LOXL3: variants seen among roughly 807,000 people sequenced by gnomAD.
LOXL3 encodes the protein lysyl oxidase homolog 3.
In LOXL3, 60 loss-of-function variants were observed where a neutral mutation model predicts 91.8. That is an observed-to-expected ratio of 0.65 (90% CI 0.53 to 0.81). The LOEUF (loss-of-function observed/expected upper bound fraction) is 0.81, where lower values mean the gene tolerates loss of function less well. LOXL3 is among the 30% of genes least tolerant of loss of function. The pLI, the probability that LOXL3 is intolerant of heterozygous loss-of-function variation, is 0.00. For missense variants in LOXL3, 874 were observed against 1,000.4 expected (o/e 0.87, Z 1.70); for synonymous variants, 355 against 387.6 (o/e 0.92, Z 0.99).
chr2:74,549,137 A>G lies in LOXL3; in HGVS notation c.692+232T>C. ...CCGCCTGCCCGCCCAGGCGTCGGCCACGAGAGAGCGGGAGCCTCGCTGGTC... is the reference window on the plus strand; with the variant it reads ...CCGCCTGCCCGCCCAGGCGTCGGCCGCGAGAGAGCGGGAGCCTCGCTGGTC... On this transcript the variant is annotated intron_variant, in intron 4 of 13. Transcript: ENST00000264094. The surrounding 1 kb of genome is among the most constrained non-coding windows in gnomAD (Gnocchi z 5.3). 2.5e-6 allele frequency: 1 copy of G among 406,904 alleles called. No homozygotes were observed. The allele number at this position is 406,904 out of a possible 1,614,324, so 25.2% of individuals were successfully genotyped here.
intron 2 of LOXL3, among the ~76,000 whole-genome samples, chr2:74,550,882 G>T (rs780212106): frequency 6.6e-6 from 1 of 151,642 alleles, no homozygotes; most frequent in Admixed American, 6.6e-5. Flanking sequence ...TCTTGTGCCC[G>T]CCCTGTCTGT....
chr2:74,555,569 C>T, upstream of LOXL3: 1 of 1,611,276 alleles, frequency 6.2e-7, no homozygotes, highest in African/African-American at 1.4e-5. This position sits in a 1 kb window ranked among gnomAD's most constrained non-coding sequence, Gnocchi z 6.1. Context: ...ATGCTCTCTA[C>T]TACAGAAAGG....
chr2:74,553,763 T>G (rs918455763), intron 1 of LOXL3, 113 bp downstream of exon 1: 2 of 152,438 alleles, frequency 1.3e-5, no homozygotes, highest in Admixed American at 6.5e-5. Context: ...AATCAAACTC[T>G]CAGTTGGGTG....
chr2:74,542,691 T>C (rs553408295), intron 4 of LOXL3, among the ~76,000 whole-genome samples: 2 of 151,378 alleles, frequency 1.3e-5, no homozygotes, highest in South Asian at 4.2e-4. Flanking sequence ...AGTGGTGCAA[T>C]CTTGGCTCAC....
At chr2:74,548,327 G>T (rs565839514) in intron 4 of LOXL3, among the ~76,000 whole-genome samples, 1 of 152,294 alleles carries the variant, frequency 6.6e-6, no homozygotes, top group South Asian at 2.1e-4. Flanking sequence ...GGTTGGAAAA[G>T]GCTGCTCTAT....
At chr2:74,554,966 A>T, upstream of LOXL3, 1 of 1,437,828 alleles carries the variant, frequency 7.0e-7, no homozygotes, top group Admixed American at 2.0e-5. This position sits in a 1 kb window ranked among gnomAD's most constrained non-coding sequence, Gnocchi z 4.9. Flanking sequence ...CACTCCCGGG[A>T]AGCGTCTGTA....
At position 74,549,391 on chromosome 2, in the gene LOXL3, T is replaced by G; in HGVS notation, c.670A>C (p.Arg224=). The G allele has an allele frequency of 3.1e-6, 5 of 1,609,554 alleles. No individual in the cohort carries two copies. Among genetic ancestry groups the G allele is most frequent in the Non-Finnish European group, 4.2e-6 (5 of 1,177,714 alleles). The part of the protein sequence containing the change: ...CGMLGFPSEK[R]VNAAFYRLLA... The stretch of plus-strand genomic sequence containing the variant: ...CACCTGTAGAAGGCCGCGTTGACCC[T>G]CTTTTCGCTGGGGAAGCCCAGCATC... Residue 224 remains arginine (R), a synonymous_variant, in exon 4 of 14, where the codon AGG becomes CGG. Transcript: ENST00000264094. This position sits in a 1 kb window ranked among gnomAD's most constrained non-coding sequence, Gnocchi z 5.3.
Position 74,536,066 on chromosome 2 carries a change from G to C in LOXL3, c.1178C>G (p.Ala393Gly), listed in dbSNP as rs1676000612. ...LWKCPHKNIT[A>G]EDCSHSQDAG... The stretch of plus-strand genomic sequence containing the variant: ...ATCCTGGCTATGTGAACAATCCTCA[G>C]CTGTGATGTTCTTGTGGGGGCACTT... The change falls in exon 7 of 14, where the codon GCT becomes GGT. Residue 393 changes from alanine to glycine, a missense_variant. Transcript: ENST00000264094. This position sits in a 1 kb window ranked among gnomAD's most constrained non-coding sequence, Gnocchi z 4.5. The C allele has an allele frequency of 3.7e-6, 6 of 1,612,838 alleles. No homozygotes were observed. Among genetic ancestry groups the C allele is most frequent in the Non-Finnish European group, 4.2e-6 (5 of 1,179,326 alleles).
At chr2:74,552,283 C>T (rs1471623740) in intron 2 of LOXL3, 39 bp downstream of exon 2, 2 of 1,562,200 alleles carry the variant, frequency 1.3e-6, no homozygotes, top group Non-Finnish European at 8.7e-7. Flanking sequence ...TTTGGCCACA[C>T]ATAGGAAATA....
chr2:74,545,723 C>T (rs903841537), intron 4 of LOXL3, among the ~76,000 whole-genome samples: 1 of 152,176 alleles, frequency 6.6e-6, no homozygotes, highest in African/African-American at 2.4e-5. Context: ...CCTACCTCAC[C>T]TCACTGTTTG....
intron 2 of LOXL3, among the ~76,000 whole-genome samples, chr2:74,551,960 C>A (rs1339406953): frequency 2.0e-5 from 3 of 152,272 alleles, no homozygotes; most frequent in Non-Finnish European, 4.4e-5. Context: ...ATCCAGATAT[C>A]ATTTACCTGC....
In LOXL3 at chr2:74,532,939, G is replaced by A; in HGVS notation, c.*667C>T. 1.2e-6 allele frequency: 2 copies of A among 1,613,910 alleles called. No homozygotes were observed. The highest frequency in any genetic ancestry group is 1.7e-6 in the Non-Finnish European group (2 of 1,179,980). On this transcript the variant is annotated 3_prime_UTR_variant, in exon 14 of 14. Transcript: ENST00000264094. ...CAGTTGGCAGTGCAGATCCGGCGGG[G>A]ACGAGAAACACTGACCTTATATGTG... is the stretch of plus-strand genomic sequence containing the variant.
chr2:74,535,460 G>A lies in LOXL3; in HGVS notation c.1417-6C>T, dbSNP rs201025894. The A allele has an allele frequency of 6.2e-7, 1 of 1,613,614 alleles. No homozygotes were observed. The highest frequency in any genetic ancestry group is 2.2e-5 in the East Asian group (1 of 44,872). On this transcript the variant is annotated splice_polypyrimidine_tract_variant and splice_region_variant and intron_variant, in intron 8 of 13. Transcript: ENST00000264094. This position sits in a 1 kb window ranked among gnomAD's most constrained non-coding sequence, Gnocchi z 4.2. ...GAGTCCCAGTACCAGGTCTCCTGGGGACATATGCAGATGTTTCTGTAAGGC... is the reference window on the plus strand; with the variant it reads ...GAGTCCCAGTACCAGGTCTCCTGGGAACATATGCAGATGTTTCTGTAAGGC...
chr2:74,539,312 A>G (rs1319631811), intron 4 of LOXL3, among the ~76,000 whole-genome samples: 1 of 152,222 alleles, frequency 6.6e-6, no homozygotes, highest in Non-Finnish European at 1.5e-5. Flanking sequence ...TTCCGCATCC[A>G]CCGTCTGCTG....
At position 74,552,757 on chromosome 2, in the gene LOXL3, G is replaced by C. The variant is rs1449501331; in HGVS notation, c.-12-111C>G. On this transcript the variant is annotated intron_variant, in intron 1 of 13. Coordinates refer to ENST00000264094, the MANE Select transcript of LOXL3 (RefSeq NM_032603.5). Reference sequence around the variant, plus strand: ...AAAAACAGACACTGAGTAAGACAGAGACAGCGAGAGACAACAGGAGAGAAA... The same window carrying C: ...AAAAACAGACACTGAGTAAGACAGACACAGCGAGAGACAACAGGAGAGAAA... 4.4e-6 allele frequency: 4 copies of C among 909,998 alleles called. No homozygotes were observed. The African/African-American group carries it at 5.0e-5, about 11-fold the overall frequency. The allele number at this position is 909,998 out of a possible 1,614,324, so 56.4% of individuals were successfully genotyped here.
At chr2:74,543,326 C>A (rs1056099422) in intron 4 of LOXL3, among the ~76,000 whole-genome samples, 4 of 152,112 alleles carry the variant, frequency 2.6e-5, no homozygotes, top group Non-Finnish European at 5.9e-5. Flanking sequence ...CTAATTCACA[C>A]CTAGTGTATT....
intron 4 of LOXL3, among the ~76,000 whole-genome samples, chr2:74,538,789 C>T (rs1225124299): frequency 1.3e-5 from 2 of 152,154 alleles, no homozygotes; most frequent in African/African-American, 2.4e-5. Flanking sequence ...TTACAGGAGA[C>T]GCAAGTATGG....
At chr2:74,541,913 GT>G (rs1279409111) in intron 4 of LOXL3, among the ~76,000 whole-genome samples, 4 of 152,034 alleles carry the variant, frequency 2.6e-5, no homozygotes, top group Non-Finnish European at 5.9e-5. Context: ...GACCAGTGCT[GT>G]TATTTGTCTT....
At position 74,549,221 on chromosome 2, in the gene LOXL3, C is replaced by G. The variant is rs768330482; in HGVS notation, c.692+148G>C. The stretch of plus-strand genomic sequence containing the variant: ...TGGTCCCACAAGATTTCCCAACTCT[C>G]CAGCTTTGCAACGGCCTCCATATTT... On this transcript the variant is annotated intron_variant, in intron 4 of 13. Transcript: ENST00000264094. The surrounding 1 kb of genome is among the most constrained non-coding windows in gnomAD (Gnocchi z 5.3). 2.0e-5 allele frequency: 18 copies of G among 881,358 alleles called. No individual in the cohort carries two copies. Among genetic ancestry groups the G allele is most frequent in the Non-Finnish European group, 2.8e-5 (17 of 607,308 alleles). 54.6% of individuals were successfully genotyped at this position (881,358 alleles called of 1,614,324 possible).
Sources: gnomAD v4.1 joint callset for allele counts (sites outside exome capture counted in the v4.1 genomes callset) on GRCh38, gnomAD v4.1.1 for gene constraint, Gnocchi (gnomAD v3.1) non-coding constraint, MANE v1.5 for transcripts, NCBI Gene and HGNC (gene_info 2026-07-23, HGNC 2026-07-21) for gene names.